Variants in HIVEP1 observed in about 807,000 individuals in gnomAD.
The protein encoded by HIVEP1 is HIVEP zinc finger 1.
Under a neutral mutation model 180.0 loss-of-function variants are expected in HIVEP1, and 36 were observed. That is an observed-to-expected ratio of 0.20 (90% CI 0.15 to 0.26). The LOEUF (loss-of-function observed/expected upper bound fraction) is 0.26, where lower values mean the gene tolerates loss of function less well. Ranked by LOEUF, HIVEP1 falls within the 10% of genes least tolerant of loss-of-function variation. HIVEP1 has a pLI of 1.00. For synonymous variants in HIVEP1, 1,239 were observed against 1,239.0 expected, an observed-to-expected ratio of 1.00 and a Z score of 0.00; for missense variants, 3,143 against 3,268.7, an observed-to-expected ratio of 0.96 and a Z score of 0.94.
chr6:12,062,619 A>C (rs1771312680), intron 2 of HIVEP1, among the ~76,000 whole-genome samples: 1 of 152,208 alleles, frequency 6.6e-6, no homozygotes, highest in Non-Finnish European at 1.5e-5. Flanking sequence ...TGCCAGCTAC[A>C]TGCCGAGTGC....
intron 2 of HIVEP1, among the ~76,000 whole-genome samples, chr6:12,044,272 A>G (rs1296926696): frequency 6.6e-6 from 1 of 152,202 alleles, no homozygotes. Flanking sequence ...GGATCAATTT[A>G]TGGACTTTTA....
chr6:12,039,712 C>T (rs771369419), intron 2 of HIVEP1, among the ~76,000 whole-genome samples: 3 of 152,170 alleles, frequency 2.0e-5, no homozygotes, highest in East Asian at 3.8e-4. Flanking sequence ...ACTCAGGGAA[C>T]GACCTCATTG....
At chr6:12,102,908 GTTTGT>G (rs1774197401) in intron 3 of HIVEP1, among the ~76,000 whole-genome samples, 1 of 151,624 alleles carries the variant, frequency 6.6e-6, no homozygotes, top group Admixed American at 6.6e-5. Context: ...GTTTTTTTAT[GTTTGT>G]TTTATTTTAA....
At chr6:12,100,279 G>A (rs573273841) in intron 3 of HIVEP1, among the ~76,000 whole-genome samples, 2 of 152,280 alleles carry the variant, frequency 1.3e-5, no homozygotes, top group African/African-American at 4.8e-5. Flanking sequence ...GCTGGGGCAG[G>A]CTTAGAGGGG....
intron 2 of HIVEP1, chr6:12,037,855 C>A: frequency 4.9e-6 from 2 of 407,872 alleles, no homozygotes; most frequent in Non-Finnish European, 8.7e-6. Flanking sequence ...GGACTACAGG[C>A]ACATGCCAGT....
chr6:12,064,700 A>G (rs1771452807), intron 2 of HIVEP1, among the ~76,000 whole-genome samples: 1 of 152,172 alleles, frequency 6.6e-6, no homozygotes, highest in Non-Finnish European at 1.5e-5. Flanking sequence ...ACCTTTCCTG[A>G]CAGCTTCATG....
chr6:12,022,364 A>T (rs1247681845), intron 2 of HIVEP1, among the ~76,000 whole-genome samples: 1 of 150,808 alleles, frequency 6.6e-6, no homozygotes, highest in African/African-American at 2.4e-5. Flanking sequence ...TAGAGATGGG[A>T]TTTCACCATT....
In HIVEP1 at chr6:12,164,880, T is replaced by C. The variant is rs755454526; in HGVS notation, c.*419T>C. ...ATTAGTATGTAAACTCCATATTTAT[T>C]GTATTCATATTAGTCTTTGAAAATG... is the stretch of plus-strand genomic sequence containing the variant. On this transcript the variant is annotated 3_prime_UTR_variant, in exon 9 of 9. Coordinates refer to ENST00000379388, the MANE Select transcript of HIVEP1 (RefSeq NM_002114.4). 1 of 202,356 alleles carries C rather than the reference T, an allele frequency of 4.9e-6. No individual in the cohort carries two copies. Among genetic ancestry groups the C allele is most frequent in the Non-Finnish European group, 1.0e-5 (1 of 97,434 alleles). The allele number at this position is 202,356 out of a possible 1,614,324, so 12.5% of individuals were successfully genotyped here.
chr6:12,009,124 G>T (rs567676542), upstream of HIVEP1, among the ~76,000 whole-genome samples: 1 of 134,318 alleles, frequency 7.4e-6, no homozygotes, highest in South Asian at 2.1e-4. Context: ...TGGCGGTGGC[G>T]GCGGCGGCGG....
chr6:12,170,661 C>T, the HIVEP1 span, among the ~76,000 whole-genome samples: 2 of 152,112 alleles, frequency 1.3e-5, no homozygotes, highest in Non-Finnish European at 2.9e-5. Flanking sequence ...AGCAAGGCAT[C>T]TGACGAAGCC....
chr6:12,052,654 G>A (rs754092443), intron 2 of HIVEP1, among the ~76,000 whole-genome samples: 3 of 152,196 alleles, frequency 2.0e-5, no homozygotes, highest in Non-Finnish European at 2.9e-5. Flanking sequence ...TGGAGAGTTG[G>A]AGTCTCTTGC....
chr6:12,147,724 A>G (rs1011452674), intron 7 of HIVEP1, among the ~76,000 whole-genome samples: 2 of 152,188 alleles, frequency 1.3e-5, no homozygotes, highest in Non-Finnish European at 2.9e-5. Flanking sequence ...AGCCTCTCTC[A>G]TTCTCCACCA....
chr6:12,187,619 G>T, the HIVEP1 span, among the ~76,000 whole-genome samples: 15 of 144,856 alleles, frequency 1.0e-4, no homozygotes, highest in African/African-American at 3.9e-4. Flanking sequence ...TTTAAACGGA[G>T]TCTCACTGTG....
At chr6:12,137,300 T>C (rs1391536505) in intron 7 of HIVEP1, among the ~76,000 whole-genome samples, 1 of 152,224 alleles carries the variant, frequency 6.6e-6, no homozygotes, top group African/African-American at 2.4e-5. Context: ...AATTAATATG[T>C]CTGTAGAATT....
At chr6:12,132,016 A>G (rs1758452578) in intron 6 of HIVEP1, among the ~76,000 whole-genome samples, 1 of 152,170 alleles carries the variant, frequency 6.6e-6, no homozygotes, top group Non-Finnish European at 1.5e-5. Context: ...TTTAAGTGCC[A>G]GTGGTGTCTG....
At chr6:12,092,485 C>T (rs1326358113) in intron 3 of HIVEP1, among the ~76,000 whole-genome samples, 1 of 152,106 alleles carries the variant, frequency 6.6e-6, no homozygotes, top group East Asian at 1.9e-4. Flanking sequence ...TTTTTGCTAT[C>T]ATAAACAATG....
intron 2 of HIVEP1, among the ~76,000 whole-genome samples, chr6:12,080,246 G>A (rs1772690386): frequency 1.3e-5 from 2 of 152,096 alleles, no homozygotes; most frequent in South Asian, 4.1e-4. Context: ...AATAGTGTGA[G>A]GTTTTCGGAA....
At chr6:12,094,717 T>C (rs988673430) in intron 3 of HIVEP1, among the ~76,000 whole-genome samples, 2 of 152,056 alleles carry the variant, frequency 1.3e-5, no homozygotes, top group African/African-American at 2.4e-5. Flanking sequence ...TTTGAATCCA[T>C]GTTCAAGGCA....
At chr6:12,119,445 A>G (rs929485252) in intron 3 of HIVEP1, among the ~76,000 whole-genome samples, 2 of 152,234 alleles carry the variant, frequency 1.3e-5, no homozygotes, top group African/African-American at 4.8e-5. Flanking sequence ...AGCTTCAACC[A>G]GTCAACCAGT....
Sources: allele counts gnomAD v4.1 joint callset (sites outside exome capture counted in the v4.1 genomes callset), GRCh38; gene constraint gnomAD v4.1.1; transcripts MANE v1.5; gene names NCBI Gene and HGNC (gene_info 2026-07-23, HGNC 2026-07-21).